The following KNL1 variants were observed in gnomAD, a reference collection of about 807,000 sequenced individuals.
KNL1 encodes kinetochore scaffold 1.
KNL1 carries 66 observed loss-of-function variants against 201.3 expected under a neutral mutation model. The ratio of observed to expected loss-of-function variants is 0.33; its 90% CI spans 0.27 to 0.40. The LOEUF is 0.40. KNL1 is among the 10% of genes least tolerant of loss of function. The probability of loss-of-function intolerance (pLI) is 1.00; values close to 1 mark genes in which losing one functional copy is unlikely to be tolerated. For missense variants in KNL1, 2,815 were observed against 2,690.5 expected, an observed-to-expected ratio of 1.05 and a Z score of -1.02; for synonymous variants, 895 against 899.2, an observed-to-expected ratio of 1.00 and a Z score of 0.08.
At chr15:40,658,561 CA>C (rs35180053) in intron 24 of KNL1, among the ~76,000 whole-genome samples, 49,399 of 74,440 alleles carry the variant, frequency 0.66, 15,467 homozygotes, top group Non-Finnish European at 0.74. Flanking sequence ...GAATCTGTCT[CA>C]AAAAAAAAAA....
Position 40,621,148 on chromosome 15 carries a change from T to C in KNL1, c.884T>C (p.Ile295Thr). 1 of 1,613,788 alleles carries C rather than the reference T, an allele frequency of 6.2e-7. No homozygotes were observed. ...QCHTANIQTL[I>T]PTSSETNSRE... ...CATACAGCCAATATTCAGACATTGA[T>C]TCCCACATCCAGTGAGACCAACTCA... Residue 295 changes from isoleucine (I) to threonine (T), a missense_variant, in exon 10 of 26, where the codon ATT becomes ACT. This residue lies in a region of KNL1 where 2,464 missense variants were observed against 2,291.7 expected (regional missense o/e 1.08). Transcript: ENST00000399668.
intron 6 of KNL1, 38 bp downstream of exon 6, chr15:40,610,335 T>G: frequency 9.4e-7 from 1 of 1,063,150 alleles, no homozygotes; most frequent in Non-Finnish European, 1.4e-6. Context: ...AATCTGCTTT[T>G]TAAAAAATTT....
chr15:40,637,621 T>G (rs575321723), intron 13 of KNL1, among the ~76,000 whole-genome samples: 17 of 152,316 alleles, frequency 1.1e-4, no homozygotes, highest in African/African-American at 4.1e-4. Context: ...TAAAATGTAC[T>G]GTGAGTCAGG....
intron 1 of KNL1, among the ~76,000 whole-genome samples, chr15:40,601,750 C>A (rs1040745540): frequency 6.7e-5 from 10 of 149,996 alleles, no homozygotes; most frequent in African/African-American, 2.4e-4. Context: ...ATGGCGTGAA[C>A]CCGGGAGGCG....
intron 10 of KNL1, among the ~76,000 whole-genome samples, chr15:40,626,346 T>C (rs888469451): frequency 1.1e-4 from 16 of 150,072 alleles, no homozygotes; most frequent in African/African-American, 3.9e-4. Context: ...TTTTTTTGTA[T>C]TTTTAGTAGA....
intron 5 of KNL1, 84 bp from the exon 6 acceptor site, chr15:40,610,161 T>C: frequency 1.3e-6 from 1 of 742,322 alleles, no homozygotes; most frequent in Non-Finnish European, 2.4e-6. Context: ...TATCTTGACC[T>C]ATCTCAACAC....
chr15:40,645,019 C>A lies in KNL1; in HGVS notation c.5821C>A (p.Gln1941Lys). The change falls in exon 15 of 26, where the codon CAA becomes AAA. Residue 1941 changes from glutamine (Q) to lysine (K), a missense_variant. Gln to Lys is a moderately conservative substitution (Grantham distance 53). This residue lies in a region of KNL1 where 2,464 missense variants were observed against 2,291.7 expected (regional missense o/e 1.08). Transcript: ENST00000399668. The part of the protein sequence containing the change: ...IEELKLSASN[Q>K]DKLLVDINKN... ...TAGATTAAAGCTTTCTGCATCGAAC[C>A]AAGATAAGCTGTTGGTTGATATAAA... The A allele has an allele frequency of 1.2e-6, 2 of 1,611,310 alleles. No homozygotes were observed. The highest frequency in any genetic ancestry group is 1.1e-5 in the South Asian group (1 of 90,940).
intron 17 of KNL1, 152 bp downstream of exon 17, chr15:40,647,226 G>A (rs1595942994): frequency 5.9e-6 from 3 of 511,918 alleles, no homozygotes; most frequent in Admixed American, 3.3e-5. Flanking sequence ...TGTAATCCCA[G>A]CACTTTGGGA....
At position 40,621,037 on chromosome 15, in the gene KNL1, A is replaced by G. The variant is rs750917447; in HGVS notation, c.773A>G (p.His258Arg). The change falls in exon 10 of 26, where the codon CAT becomes CGT. Residue 258 changes from histidine to arginine, a missense_variant. Around this residue, in one of 3 missense-constraint regions of KNL1, gnomAD observed 2,464 missense variants for 2,291.7 expected, o/e 1.08. Coordinates refer to ENST00000399668, the MANE Select transcript of KNL1 (RefSeq NM_144508.5). ...AGTGCCTCTTCTACACATCAAATGC[A>G]TGTATCTCTTAAGGAAGATGAAAAT... ...PNSASSTHQM[H>R]VSLKEDENNS... is the part of the protein sequence containing the mutation. 1.2e-6 allele frequency: 2 copies of G among 1,608,158 alleles called. No homozygotes were observed. The highest frequency in any genetic ancestry group is 1.7e-5 in the Admixed American group (1 of 58,456).
chr15:40,618,687 A>G (rs908509511), intron 8 of KNL1, among the ~76,000 whole-genome samples: 2 of 152,182 alleles, frequency 1.3e-5, no homozygotes, highest in Non-Finnish European at 2.9e-5. Context: ...AACACAAAAG[A>G]TAAATGTTTG....
Position 40,651,633 on chromosome 15 carries a change from C to T in KNL1, c.6314+61C>T, listed in dbSNP as rs569111427. On this transcript the variant is annotated intron_variant, in intron 20 of 25. Coordinates refer to ENST00000399668, the MANE Select transcript of KNL1 (RefSeq NM_144508.5). ...TTCTGTACCTTGTGGTTGTTTAAACCGATTGGAGCAATTGATGTATTTTTA... is the reference window on the plus strand; with the variant it reads ...TTCTGTACCTTGTGGTTGTTTAAACTGATTGGAGCAATTGATGTATTTTTA... The T allele has an allele frequency of 6.2e-5, 72 of 1,159,672 alleles. No homozygotes were observed. The African/African-American group carries it at 8.2e-4, about 13-fold the overall frequency. The allele number at this position is 1,159,672 out of a possible 1,614,324, so 71.8% of individuals were successfully genotyped here.
chr15:40,635,315 GT>G (rs1944975457), intron 13 of KNL1, among the ~76,000 whole-genome samples: 1 of 151,612 alleles, frequency 6.6e-6, no homozygotes, highest in Non-Finnish European at 1.5e-5. Flanking sequence ...GCCTCCCAAA[GT>G]GCTGGGATTA....
chr15:40,648,021 G>A (rs1467302710), intron 17 of KNL1, among the ~76,000 whole-genome samples: 1 of 152,054 alleles, frequency 6.6e-6, no homozygotes, highest in Non-Finnish European at 1.5e-5. Flanking sequence ...AATTCCTCAA[G>A]CATTTTTTGA....
intron 9 of KNL1, 30 bp downstream of exon 9, chr15:40,619,041 G>A: frequency 2.2e-6 from 3 of 1,383,384 alleles, no homozygotes; most frequent in Non-Finnish European, 3.1e-6. Flanking sequence ...CCTTCATATT[G>A]TAATGTCATT....
chr15:40,621,000 A>G lies in KNL1; in HGVS notation c.736A>G (p.Lys246Glu). 1 of 1,603,680 alleles carries G rather than the reference A, an allele frequency of 6.2e-7. No individual in the cohort carries two copies. The highest frequency in any genetic ancestry group is 8.5e-7 in the Non-Finnish European group (1 of 1,176,942). Residue 246 changes from lysine (K) to glutamate (E), a missense_variant, in exon 10 of 26, where the codon AAG (lysine) becomes GAG (glutamate). Physicochemically the swap from Lys to Glu is moderately conservative, Grantham distance 56 (BLOSUM62 1). Around this residue, in one of 3 missense-constraint regions of KNL1, gnomAD observed 2,464 missense variants for 2,291.7 expected, o/e 1.08. Transcript: ENST00000399668. Reference protein sequence around the residue: ...KENFEIPIYSKEPNSASSTHQ... With the variant: ...KENFEIPIYSEEPNSASSTHQ... Reference sequence around the variant, plus strand: ...AAATTTTGAGATACCTATTTATTCCAAGGAACCGAACAGTGCCTCTTCTAC... The same window carrying G: ...AAATTTTGAGATACCTATTTATTCCGAGGAACCGAACAGTGCCTCTTCTAC...
intron 1 of KNL1, among the ~76,000 whole-genome samples, chr15:40,597,652 G>C (rs1371037338): frequency 6.6e-6 from 1 of 152,158 alleles, no homozygotes; most frequent in Non-Finnish European, 1.5e-5. Flanking sequence ...CTTAACTTGT[G>C]AGTCTGGAGT....
chr15:40,632,851 C>G (rs987036682), intron 13 of KNL1, among the ~76,000 whole-genome samples: 1 of 152,002 alleles, frequency 6.6e-6, no homozygotes, highest in Non-Finnish European at 1.5e-5. Context: ...GAGACCCCAT[C>G]TCTATTTAAA....
At chr15:40,618,911 G>T (rs756061110) in intron 8 of KNL1, 48 bp from the exon 9 acceptor site, 1 of 1,211,044 alleles carries the variant, frequency 8.3e-7, no homozygotes, top group Admixed American at 1.7e-5. Context: ...GGAAAATCAG[G>T]CTCAGTGTTA....
chr15:40,618,134 G>A (rs1328816095), intron 8 of KNL1, among the ~76,000 whole-genome samples: 4 of 150,524 alleles, frequency 2.7e-5, no homozygotes, highest in African/African-American at 7.3e-5. Context: ...TTTTAATATA[G>A]CCTTTTGAAT....
Sources: gnomAD v4.1 joint callset for allele counts (sites outside exome capture counted in the v4.1 genomes callset) on GRCh38, gnomAD v4.1.1 for gene constraint, gnomAD v4.1.1 regional missense constraint, MANE v1.5 for transcripts, NCBI Gene and HGNC (gene_info 2026-07-23, HGNC 2026-07-21) for gene names.